The following PRR14L variants were observed in gnomAD, a reference collection of about 807,000 sequenced individuals.
The protein encoded by PRR14L is protein PRR14L.
In PRR14L, 80 loss-of-function variants were observed where a neutral mutation model predicts 155.0. That is an observed-to-expected ratio of 0.52 (90% CI 0.43 to 0.62). The LOEUF (loss-of-function observed/expected upper bound fraction) is 0.62. PRR14L is among the 20% of genes least tolerant of loss of function. PRR14L has a pLI of 0.00. For synonymous variants in PRR14L, 883 were observed against 916.0 expected (o/e 0.96, Z 0.65); for missense variants, 2,469 against 2,548.0 (o/e 0.97, Z 0.67).
Position 31,713,230 on chromosome 22 carries a change from CAAT to C in PRR14L, c.4606_4608del (p.Ile1536del), listed in dbSNP as rs1223142465. On this transcript the variant is annotated inframe_deletion, in exon 4 of 9. Coordinates refer to ENST00000327423, the MANE Select transcript of PRR14L (RefSeq NM_173566.3). ...CTGATTTTACCTATTTTTCTCCCAA[CAAT>C]GATTTGCTCCTGATAGGAAACTTTC... 16 of 1,551,976 alleles carry C rather than the reference CAAT, an allele frequency of 1.0e-5. No individual in the cohort carries two copies. The East Asian group carries it at 2.0e-4, about 19-fold the overall frequency.
At chr22:31,747,476 C>T (rs2074845384) in intron 1 of PRR14L, among the ~76,000 whole-genome samples, 1 of 149,492 alleles carries the variant, frequency 6.7e-6, no homozygotes, top group South Asian at 2.1e-4. Context: ...ATCCTGCTCT[C>T]ACATACTAGA....
chr22:31,744,163 G>A (rs1012593429), intron 1 of PRR14L, among the ~76,000 whole-genome samples: 5 of 142,368 alleles, frequency 3.5e-5, no homozygotes, highest in Non-Finnish European at 7.5e-5. Flanking sequence ...ATGGAGTTTC[G>A]CTCTTGTTGC....
chr22:31,716,125 T>A lies in PRR14L; in HGVS notation c.1714A>T (p.Ile572Phe). ...CNDFLFERKS[I>F]VSLMPEDQIS... ...TGATCCTCTGGCATTAAACTCACAA[T>A]GGATTTTCTTTCAAACAGAAAATCA... Residue 572 changes from isoleucine to phenylalanine, a missense_variant, in exon 4 of 9, where the codon ATT becomes TTT. Ile to Phe is a conservative substitution (Grantham distance 21). Around this residue, in one of 2 missense-constraint regions of PRR14L, gnomAD observed 2,363 missense variants for 2,371.6 expected, o/e 1.00. Coordinates refer to ENST00000327423, the MANE Select transcript of PRR14L (RefSeq NM_173566.3). 1 of 1,551,332 alleles carries A rather than the reference T, an allele frequency of 6.4e-7. No individual in the cohort carries two copies. Among genetic ancestry groups the A allele is most frequent in the South Asian group, 1.2e-5 (1 of 84,060 alleles).
chr22:31,714,572 T>C lies in PRR14L; in HGVS notation c.3267A>G (p.Gln1089=). Residue 1089 remains glutamine, a synonymous_variant, in exon 4 of 9, where the codon CAA becomes CAG. Coordinates refer to ENST00000327423, the MANE Select transcript of PRR14L (RefSeq NM_173566.3). The part of the protein sequence containing the change: ...CGARQEKLAF[Q]EDSRSTLSRR... ...GAGACAAGGTACTCCTGGAGTCCTC[T>C]TGAAATGCCAGTTTCTCTTGCCTTG... is the stretch of plus-strand genomic sequence containing the variant. The C allele has an allele frequency of 1.3e-6, 2 of 1,552,012 alleles. No homozygotes were observed. The highest frequency in any genetic ancestry group is 2.0e-5 in the Admixed American group (1 of 51,004).
chr22:31,739,035 C>T (rs1001503877), intron 1 of PRR14L, 124 bp from the exon 2 acceptor site: 4 of 532,356 alleles, frequency 7.5e-6, no homozygotes, highest in Non-Finnish European at 1.3e-5. Flanking sequence ...CATTATCTGG[C>T]ACCAAAAATT....
In PRR14L at chr22:31,714,643, C is replaced by G; in HGVS notation, c.3196G>C (p.Glu1066Gln). The change falls in exon 4 of 9, where the codon GAA becomes CAA. Residue 1066 changes from glutamate (E) to glutamine (Q), a missense_variant. By Grantham distance (29) the Glu-to-Gln change is conservative. Transcript: ENST00000327423. ...VYTDCSNKLA[E>Q]GVLDVKASNL... is the part of the protein sequence containing the mutation. ...GATGCCTTCACGTCCAGCACACCTT[C>G]TGCAAGCTTATTACTACAGTCCGTG... The G allele has an allele frequency of 6.4e-7, 1 of 1,552,154 alleles. No homozygotes were observed. The highest frequency in any genetic ancestry group is 1.7e-4 in the Middle Eastern group (1 of 5,996).
In PRR14L at chr22:31,717,125, C is replaced by T. The variant is rs370367988; in HGVS notation, c.714G>A (p.Met238Ile). 38 of 1,552,298 alleles carry T rather than the reference C, an allele frequency of 2.4e-5. No homozygotes were observed. The African/African-American group carries it at 5.2e-4, about 21-fold the overall frequency. Residue 238 changes from methionine (M) to isoleucine (I), a missense_variant, in exon 4 of 9, where the codon ATG becomes ATA. By Grantham distance (10) the Met-to-Ile change is conservative. Coordinates refer to ENST00000327423, the MANE Select transcript of PRR14L (RefSeq NM_173566.3). Reference sequence around the variant, plus strand: ...TGGTTTCTGAAACCTCATCACTGGTCATGATTTTGTCTACTTCTTGGAATT... The same window carrying T: ...TGGTTTCTGAAACCTCATCACTGGTTATGATTTTGTCTACTTCTTGGAATT... ...CGEFQEVDKIMTSDEVSETST... is the reference protein window; with the variant it reads ...CGEFQEVDKIITSDEVSETST...
intron 2 of PRR14L, among the ~76,000 whole-genome samples, chr22:31,728,490 G>GT (rs1265296763): frequency 2.0e-5 from 3 of 151,850 alleles, no homozygotes; most frequent in African/African-American, 7.3e-5. Context: ...GCGGGTGCCT[G>GT]TAATCCCAGC....
At chr22:31,687,598 C>T (rs1339701720) in intron 8 of PRR14L, among the ~76,000 whole-genome samples, 13 of 151,232 alleles carry the variant, frequency 8.6e-5, no homozygotes, top group Non-Finnish European at 1.5e-4. Flanking sequence ...GTGATCCACC[C>T]GCCTTGGCCC....
In PRR14L at chr22:31,716,832, A is replaced by G. The variant is rs1294576348; in HGVS notation, c.1007T>C (p.Leu336Ser). 1 of 1,551,952 alleles carries G rather than the reference A, an allele frequency of 6.4e-7. No individual in the cohort carries two copies. Among genetic ancestry groups the G allele is most frequent in the East Asian group, 2.4e-5 (1 of 40,926 alleles). Reference sequence around the variant, plus strand: ...ACATGAAACTTCAGAATTTTCTTTCAAAGGGCTTGTGGCTGTGGGACTATC... The same window carrying G: ...ACATGAAACTTCAGAATTTTCTTTCGAAGGGCTTGTGGCTGTGGGACTATC... The part of the protein sequence containing the change: ...THDSPTATSP[L>S]KENSEVSCFT... The change falls in exon 4 of 9, where the codon TTG (leucine) becomes TCG (serine). Residue 336 changes from leucine to serine, a missense_variant. By Grantham distance (145) the Leu-to-Ser change is moderately radical. Around this residue, in one of 2 missense-constraint regions of PRR14L, gnomAD observed 2,363 missense variants for 2,371.6 expected, o/e 1.00. Coordinates refer to ENST00000327423, the MANE Select transcript of PRR14L (RefSeq NM_173566.3).
chr22:31,741,734 T>G (rs1464742169), intron 1 of PRR14L, among the ~76,000 whole-genome samples: 5 of 151,984 alleles, frequency 3.3e-5, no homozygotes, highest in Admixed American at 3.3e-4. Flanking sequence ...TAGCTGGGCA[T>G]GATGGCAGGC....
chr22:31,706,549 G>A (rs1031644552), intron 4 of PRR14L, among the ~76,000 whole-genome samples: 11 of 150,984 alleles, frequency 7.3e-5, no homozygotes, highest in Non-Finnish European at 1.5e-4. Flanking sequence ...CTCAGCCTCC[G>A]AGTAGCTGGG....
chr22:31,686,101 A>C (rs1601488941), intron 8 of PRR14L, among the ~76,000 whole-genome samples: 1 of 138,278 alleles, frequency 7.2e-6, no homozygotes, highest in Admixed American at 7.3e-5. Flanking sequence ...TGCCAGGTTA[A>C]TTTTTTTTTT....
chr22:31,738,284 T>C (rs1374265591), intron 2 of PRR14L, 103 bp downstream of exon 2: 2 of 977,758 alleles, frequency 2.0e-6, no homozygotes, highest in Admixed American at 2.9e-5. Context: ...ATTTCGGAAA[T>C]GTTTCAAGAA....
In PRR14L at chr22:31,715,021, T is replaced by C; in HGVS notation, c.2818A>G (p.Lys940Glu). 1 of 1,552,070 alleles carries C rather than the reference T, an allele frequency of 6.4e-7. No individual in the cohort carries two copies. ...ACAGTAGGAGACTGGTCCAACACTT[T>C]TTCAGGACCTGGAATGTTTACAGTC... ...NQTVNIPGPE[K>E]VLDQSPTVMF... is the part of the protein sequence containing the mutation. Residue 940 changes from lysine (K) to glutamate (E), a missense_variant, in exon 4 of 9, where the codon AAA becomes GAA. By Grantham distance (56) the Lys-to-Glu change is moderately conservative (BLOSUM62 1). This residue lies in a region of PRR14L where 2,363 missense variants were observed against 2,371.6 expected (regional missense o/e 1.00). Transcript: ENST00000327423.
intron 3 of PRR14L, among the ~76,000 whole-genome samples, chr22:31,725,252 C>T (rs1045463750): frequency 6.6e-6 from 1 of 151,932 alleles, no homozygotes; most frequent in Non-Finnish European, 1.5e-5. Flanking sequence ...AAAAAATTTA[C>T]AAAATCAGTC....
chr22:31,712,193 G>A lies in PRR14L; in HGVS notation c.5646C>T (p.Gly1882=). 6.2e-7 allele frequency: 1 copy of A among 1,614,176 alleles called. No individual in the cohort carries two copies. Among genetic ancestry groups the A allele is most frequent in the Non-Finnish European group, 8.5e-7 (1 of 1,180,016 alleles). Residue 1882 remains glycine (G), a synonymous_variant, in exon 4 of 9, where the codon GGC becomes GGT. Coordinates refer to ENST00000327423, the MANE Select transcript of PRR14L (RefSeq NM_173566.3). ...KVFCSLPYSV[G]RVLSIWSQHG... is the part of the protein sequence containing the mutation. ...GCTGGCTCCAAATGGATAGGACTCT[G>A]CCCACCGAGTAGGGCAGAGAACAGA...
In PRR14L at chr22:31,732,595, G is replaced by A. The variant is rs148221381; in HGVS notation, c.474+5792C>T. Among the ~76,000 whole-genome samples, 551 of 152,296 alleles carry A rather than the reference G, an allele frequency of 3.6e-3. 14 individuals carry two copies. Among genetic ancestry groups the A allele is most frequent in the Admixed American group, 0.028 (433 of 15,286 alleles). On this transcript the variant is annotated intron_variant, in intron 2 of 8. Transcript: ENST00000327423. ...AGGTTAAGTGTGTATGACTCCACTA[G>A]GAAAGGACTCTTGGAAGCTTGCACT... is the stretch of plus-strand genomic sequence containing the variant.
rs764418133 is a variant in PRR14L at position 31,713,701 on chromosome 22, G to A, written c.4138C>T (p.Arg1380Trp). 24 of 1,552,000 alleles carry A rather than the reference G, an allele frequency of 1.5e-5. No homozygotes were observed. Among genetic ancestry groups the A allele is most frequent in the East Asian group, 7.3e-5 (3 of 40,936 alleles). ...SNISQTHFKC[R>W]GILNHAEKQQ... ...TTTTCAGCATGATTAAGTATCCCCC[G>A]GCATTTAAAATGGGTCTGAGAGATG... is the stretch of plus-strand genomic sequence containing the variant. The change falls in exon 4 of 9, where the codon CGG becomes TGG. Residue 1380 changes from arginine to tryptophan, a missense_variant. By Grantham distance (101) the Arg-to-Trp change is moderately radical (BLOSUM62 -3). Coordinates refer to ENST00000327423, the MANE Select transcript of PRR14L (RefSeq NM_173566.3).
Sources: gnomAD v4.1 joint callset for allele counts (sites outside exome capture counted in the v4.1 genomes callset) on GRCh38, gnomAD v4.1.1 for gene constraint, gnomAD v4.1.1 regional missense constraint, MANE v1.5 for transcripts, NCBI Gene and HGNC (gene_info 2026-07-23, HGNC 2026-07-21) for gene names.